Variants in PIGN observed in about 807,000 individuals in gnomAD.
The protein encoded by PIGN is phosphatidylinositol glycan anchor biosynthesis class N.
PIGN carries 117 observed loss-of-function variants against 125.4 expected under a neutral mutation model. That is an observed-to-expected ratio of 0.93 (90% CI 0.80 to 1.09). The LOEUF (loss-of-function observed/expected upper bound fraction) is 1.09. Among genes scored for constraint, PIGN ranks in the 50% least tolerant of loss-of-function variants. PIGN has a pLI of 0.00. For missense variants in PIGN, 1,075 were observed against 1,094.9 expected (o/e 0.98, Z 0.26); for synonymous variants, 392 against 377.8 (o/e 1.04, Z -0.44).
At chr18:62,123,518 T>C (rs2035388640) in intron 14 of PIGN, 2 of 152,132 alleles carry the variant, frequency 1.3e-5, no homozygotes, top group East Asian at 1.9e-4. Context: ...ATTTATTCCA[T>C]AGACCAAATC....
At chr18:62,046,880 C>T (rs2030755629) in intron 30 of PIGN, among the ~76,000 whole-genome samples, 1 of 152,214 alleles carries the variant, frequency 6.6e-6, no homozygotes, top group Middle Eastern at 3.4e-3. Flanking sequence ...TATAAACAAA[C>T]GTAAGACGAC....
chr18:62,072,507 T>G (rs921045029), intron 30 of PIGN, 166 bp downstream of exon 30: 2 of 556,142 alleles, frequency 3.6e-6, no homozygotes, highest in Non-Finnish European at 3.2e-6. Context: ...AGGTTTATAG[T>G]CTAGGAGCAA....
chr18:62,036,626 TCC>T (rs2030264349), downstream of PIGN, among the ~76,000 whole-genome samples: 1 of 152,236 alleles, frequency 6.6e-6, no homozygotes, highest in African/African-American at 2.4e-5. Context: ...TACAAAGCTG[TCC>T]ACAGGGCTGG....
intron 14 of PIGN, chr18:62,136,062 G>C (rs962567940): frequency 4.6e-5 from 7 of 152,172 alleles, no homozygotes; most frequent in African/African-American, 1.7e-4. Flanking sequence ...ACACATACTA[G>C]TCAATCAATA....
At position 62,105,798 on chromosome 18, in the gene PIGN, A is replaced by G. The variant is rs149232574; in HGVS notation, c.1768-164T>C. ...TTTCTAGCAGAATCAACAGCTAACT[A>G]CTTTAAAAAGTAATAGTTACTATTT... is the stretch of plus-strand genomic sequence containing the variant. On this transcript the variant is annotated intron_variant, in intron 19 of 30. Coordinates refer to ENST00000640252, the MANE Select transcript of PIGN (RefSeq NM_176787.5). Among the ~76,000 whole-genome samples, 293 of 152,326 alleles carry G rather than the reference A, an allele frequency of 1.9e-3. 2 individuals carry two copies. The highest frequency in any genetic ancestry group is 6.7e-3 in the African/African-American group (279 of 41,578).
In PIGN at chr18:62,181,899, T is replaced by C. The variant is rs1344090534; in HGVS notation, c.-236+4945A>G. ...ACAGCATCATGCCCAGGTAATTTTG[T>C]ATTTTTAGTAGAGACAGGGTTTCAC... On this transcript the variant is annotated intron_variant, in intron 1 of 30. Coordinates refer to ENST00000640252, the MANE Select transcript of PIGN (RefSeq NM_176787.5). Among the ~76,000 whole-genome samples the C allele has an allele frequency of 2.0e-5, 3 of 152,086 alleles. No individual in the cohort carries two copies. In the East Asian group the frequency reaches 5.8e-4, roughly 29 times the overall value.
intron 14 of PIGN, 90 bp downstream of exon 14, chr18:62,138,153 A>G: frequency 6.7e-7 from 1 of 1,490,464 alleles, no homozygotes; most frequent in Non-Finnish European, 9.0e-7. Context: ...CAAACTGTAT[A>G]AGTAAACTAA....
At chr18:62,095,273 G>A (rs1361467335) in intron 23 of PIGN, among the ~76,000 whole-genome samples, 2 of 152,178 alleles carry the variant, frequency 1.3e-5, no homozygotes, top group Non-Finnish European at 2.9e-5. Flanking sequence ...AATGGACAGA[G>A]TATATCCCTG....
chr18:62,105,475 A>AT, intron 20 of PIGN, 68 bp downstream of exon 20: 1 of 882,786 alleles, frequency 1.1e-6, no homozygotes, highest in Non-Finnish European at 1.8e-6. Flanking sequence ...TTAGGTTCAA[A>AT]TTTTACAGTG....
intron 1 of PIGN, chr18:62,174,182 C>A (rs2037439324): frequency 1.3e-5 from 2 of 151,530 alleles, no homozygotes; most frequent in Non-Finnish European, 2.9e-5. Context: ...CCACTGCACT[C>A]CAGCCTGGGC....
At chr18:62,101,259 C>T (rs2034428634) in intron 21 of PIGN, 76 bp from the exon 22 acceptor site, 5 of 812,276 alleles carry the variant, frequency 6.2e-6, no homozygotes, top group Non-Finnish European at 1.0e-5. Flanking sequence ...GTAAGACATT[C>T]TTATTTCTGA....
intron 23 of PIGN, among the ~76,000 whole-genome samples, chr18:62,021,794 G>A (rs994664178): frequency 2.6e-5 from 4 of 152,168 alleles, no homozygotes; most frequent in Middle Eastern, 3.4e-3. Flanking sequence ...CAGAAGTTTG[G>A]GCATGGCAAG....
In PIGN at chr18:62,157,745, C is replaced by T. The variant is rs1431110227; in HGVS notation, c.285G>A (p.Arg95=). The T allele has an allele frequency of 6.2e-7, 1 of 1,612,490 alleles. No homozygotes were observed. The highest frequency in any genetic ancestry group is 8.5e-7 in the Non-Finnish European group (1 of 1,179,106). The change falls in exon 5 of 31, where the codon CGG becomes CGA. Residue 95 remains arginine (R), a synonymous_variant. Transcript: ENST00000640252. ...CAGCTATCAGAGCTACATGACCTGG[C>T]CGAGATTCTGTTGGCACACGTGTAT... The part of the protein sequence containing the change: ...ISHTRVPTES[R]PGHVALIAGF...
intron 14 of PIGN, among the ~76,000 whole-genome samples, chr18:62,119,038 G>C (rs2035196851): frequency 6.6e-6 from 1 of 151,862 alleles, no homozygotes; most frequent in South Asian, 2.1e-4. Flanking sequence ...GAGAAGAAAG[G>C]TTCTAGATAC....
chr18:62,134,002 T>C (rs1289765038), intron 14 of PIGN, among the ~76,000 whole-genome samples: 1 of 152,218 alleles, frequency 6.6e-6, no homozygotes, highest in Non-Finnish European at 1.5e-5. Flanking sequence ...CTGGGGGTAC[T>C]TTTTGTTGAC....
chr18:62,042,778 G>C lies in PIGN; in HGVS notation c.*3078C>G, dbSNP rs1421574812. On this transcript the variant is annotated 3_prime_UTR_variant, in exon 31 of 31. Coordinates refer to ENST00000640252, the MANE Select transcript of PIGN (RefSeq NM_176787.5). ...AATATTTTAAAATTAGCTAGGTGTG[G>C]GGGCATGTGCCTGTAGTCTCAGCTA... 2.0e-5 allele frequency: 3 copies of C among 151,984 alleles called. No individual in the cohort carries two copies. The highest frequency in any genetic ancestry group is 1.5e-5 in the Non-Finnish European group (1 of 67,988). The allele number at this position is 151,984 out of a possible 1,614,324, so 9.4% of individuals were successfully genotyped here.
intron 1 of PIGN, chr18:62,174,247 C>A (rs1473540642): frequency 6.6e-6 from 1 of 151,794 alleles, no homozygotes; most frequent in Non-Finnish European, 1.5e-5. Context: ...TTCTCATCTT[C>A]TCATTGTCTG....
At position 62,105,302 on chromosome 18, in the gene PIGN, G is replaced by A. The variant is rs115219773; in HGVS notation, c.1859+241C>T. The stretch of plus-strand genomic sequence containing the variant: ...TAGACTTAAACAAAAAAAAATGGGC[G>A]GGATTTTAAGTTATCAGTGGCACAA... On this transcript the variant is annotated intron_variant, in intron 20 of 30. Transcript: ENST00000640252. 79 of 281,774 alleles carry A rather than the reference G, an allele frequency of 2.8e-4. 1 individual carries two copies. The highest frequency in any genetic ancestry group is 4.0e-4 in the African/African-American group (18 of 45,462). The allele number at this position is 281,774 out of a possible 1,614,324, so 17.5% of individuals were successfully genotyped here.
Position 62,129,447 on chromosome 18 carries a change from T to C in PIGN, c.1172+8796A>G, listed in dbSNP as rs544587548. 3.3e-5 allele frequency among the ~76,000 whole-genome samples: 5 copies of C among 152,320 alleles called. No homozygotes were observed. The South Asian group carries it at 6.2e-4, about 19-fold the overall frequency. ...CTTCTTGCGTCTCCATCTCAGCTGC[T>C]CTCTGAGGTATCAACAAATCAAAAG... is the stretch of plus-strand genomic sequence containing the variant. On this transcript the variant is annotated intron_variant, in intron 14 of 30. Transcript: ENST00000640252.
Sources: allele counts gnomAD v4.1 joint callset (sites outside exome capture counted in the v4.1 genomes callset), GRCh38; gene constraint gnomAD v4.1.1; transcripts MANE v1.5; gene names NCBI Gene and HGNC (gene_info 2026-07-23, HGNC 2026-07-21).